The following HDAC4 variants were observed in gnomAD, a reference collection of about 807,000 sequenced individuals.
The protein encoded by HDAC4 is histone deacetylase 4, also known as histone deacetylase A.
In HDAC4, 16 loss-of-function variants were observed where a neutral mutation model predicts 135.1. That is an observed-to-expected ratio of 0.12 (90% CI 0.08 to 0.18). HDAC4 has a LOEUF of 0.18. HDAC4 is among the 10% of genes least tolerant of loss of function. The probability of loss-of-function intolerance (pLI) is 1.00; values close to 1 mark genes in which losing one functional copy is unlikely to be tolerated. For synonymous variants in HDAC4, 685 were observed against 653.4 expected (o/e 1.05, Z -0.74); for missense variants, 1,143 against 1,511.8 (o/e 0.76, Z 4.05).
chr2:239,387,654 T>A (rs1332359284), intron 1 of HDAC4, among the ~76,000 whole-genome samples: 1 of 152,212 alleles, frequency 6.6e-6, no homozygotes, highest in African/African-American at 2.4e-5. Flanking sequence ...AGGGCAGGGA[T>A]ACTGCAATTC....
intron 3 of HDAC4, among the ~76,000 whole-genome samples, chr2:239,231,237 G>A (rs1442680696): frequency 2.0e-5 from 3 of 152,210 alleles, no homozygotes; most frequent in Admixed American, 6.5e-5. Context: ...CTATGCCTCA[G>A]GAAACCGTGG....
In HDAC4 at chr2:239,285,180, CA is replaced by C. The variant is rs1237782171; in HGVS notation, c.23-48517del. Among the ~76,000 whole-genome samples the C allele has an allele frequency of 6.6e-6, 1 of 152,198 alleles. No individual in the cohort carries two copies. The highest frequency in any genetic ancestry group is 1.5e-5 in the Non-Finnish European group (1 of 68,034). On this transcript the variant is annotated intron_variant, in intron 2 of 26. Transcript: ENST00000543185. The surrounding 1 kb of genome is among the most constrained non-coding windows in gnomAD (Gnocchi z 4.5). ...TGCAGATGGTACAGAGAAAGCGTTA[CA>C]CAGTGAGAAAACAGGCAGCTGGATG...
rs1336742099 is a variant in HDAC4 at position 239,285,147 on chromosome 2, T to C, written c.23-48483A>G. ...GAAGGCCAGGTTCAAAGTTCAAAGT[T>C]CAAAGACTGCAGATGGTACAGAGAA... On this transcript the variant is annotated intron_variant, in intron 2 of 26. Transcript: ENST00000543185. This position sits in a 1 kb window ranked among gnomAD's most constrained non-coding sequence, Gnocchi z 4.5. Among the ~76,000 whole-genome samples the C allele has an allele frequency of 6.6e-5, 10 of 152,042 alleles. No individual in the cohort carries two copies. The highest frequency in any genetic ancestry group is 2.4e-4 in the African/African-American group (10 of 41,392).
intron 1 of HDAC4, among the ~76,000 whole-genome samples, chr2:239,354,562 ATTTTTTTTTTTTTT>A (rs566361037): frequency 3.9e-5 from 3 of 76,534 alleles, no homozygotes; most frequent in African/African-American, 5.6e-5. Flanking sequence ...TAGTCTAGAA[ATTTTTTTTTTTTTT>A]TTTTTTTTTT....
At chr2:239,281,941 GCAAA>G (rs761551285) in intron 2 of HDAC4, among the ~76,000 whole-genome samples, 153 of 116,850 alleles carry the variant, frequency 1.3e-3, no homozygotes, top group African/African-American at 3.8e-3. Flanking sequence ...ACACCACTCT[GCAAA>G]CAATGTACAC....
At chr2:239,274,598 A>G (rs1012440533) in intron 2 of HDAC4, among the ~76,000 whole-genome samples, 1 of 152,234 alleles carries the variant, frequency 6.6e-6, no homozygotes, top group African/African-American at 2.4e-5. Context: ...CGAGAACCTC[A>G]TTTGCCTACC....
chr2:239,216,190 TTA>T (rs10535738), intron 3 of HDAC4, among the ~76,000 whole-genome samples: 81,123 of 151,664 alleles, frequency 0.53, 22,922 homozygotes, highest in South Asian at 0.72. Flanking sequence ...ACGCACGTGT[TTA>T]TATATATACA....
Position 239,053,714 on chromosome 2 carries a change from A to AT in HDAC4, c.3089-114dup, listed in dbSNP as rs2031277136. The AT allele has an allele frequency of 3.5e-6, 3 of 859,032 alleles. No homozygotes were observed. The Admixed American group carries it at 7.4e-5, about 21-fold the overall frequency. 53.2% of individuals were successfully genotyped at this position (859,032 alleles called of 1,614,324 possible). A position where few individuals can be genotyped will look rare whatever the true frequency, so the allele number is the denominator to read the frequency against. Reference sequence around the variant, plus strand: ...CCTCAAACCAGATTGATCCCTTATGATTTTAAAAGCACCCGTCTTTGAAGA... The same window carrying AT: ...CCTCAAACCAGATTGATCCCTTATGATTTTTAAAAGCACCCGTCTTTGAAGA... On this transcript the variant is annotated intron_variant, in intron 25 of 26. Coordinates refer to ENST00000543185, the MANE Select transcript of HDAC4 (RefSeq NM_001378414.1).
At chr2:239,258,006 A>G (rs374720368) in intron 2 of HDAC4, among the ~76,000 whole-genome samples, 10 of 152,236 alleles carry the variant, frequency 6.6e-5, no homozygotes, top group African/African-American at 2.4e-4. Flanking sequence ...AGTAACGATA[A>G]AAGAGTTGAA....
intron 22 of HDAC4, among the ~76,000 whole-genome samples, chr2:239,078,626 G>C (rs973505895): frequency 2.6e-5 from 4 of 152,176 alleles, no homozygotes; most frequent in Admixed American, 2.6e-4. Context: ...GACACACTTG[G>C]CAGGAGATTA....
At chr2:239,096,202 C>T (rs2037013493) in intron 16 of HDAC4, among the ~76,000 whole-genome samples, 1 of 152,114 alleles carries the variant, frequency 6.6e-6, no homozygotes, top group African/African-American at 2.4e-5. Context: ...ACGAGAGGAA[C>T]CCTTCCTCAG....
At chr2:239,187,446 G>A (rs2044631981) in intron 4 of HDAC4, among the ~76,000 whole-genome samples, 2 of 152,256 alleles carry the variant, frequency 1.3e-5, no homozygotes, top group Admixed American at 1.3e-4. Flanking sequence ...GCAGATCATG[G>A]AAAGGCTGGT....
At chr2:239,195,997 T>C (rs971164233) in intron 3 of HDAC4, among the ~76,000 whole-genome samples, 2 of 152,204 alleles carry the variant, frequency 1.3e-5, no homozygotes, top group African/African-American at 4.8e-5. Context: ...CATACAGATA[T>C]GGAAGAAAAA....
At chr2:239,180,058 G>C (rs984912151) in intron 4 of HDAC4, among the ~76,000 whole-genome samples, 3 of 152,200 alleles carry the variant, frequency 2.0e-5, no homozygotes, top group African/African-American at 7.2e-5. Flanking sequence ...GGGGCAGGCG[G>C]TGTGTGTCCG....
intron 2 of HDAC4, among the ~76,000 whole-genome samples, chr2:239,250,960 T>G (rs149437901): frequency 6.6e-6 from 1 of 152,142 alleles, no homozygotes; most frequent in Admixed American, 6.5e-5. Context: ...GCCACACGCC[T>G]GGTTCACCTC....
At chr2:239,234,685 G>A (rs183538981) in intron 3 of HDAC4, among the ~76,000 whole-genome samples, 224 of 152,308 alleles carry the variant, frequency 1.5e-3, no homozygotes, top group East Asian at 1.9e-4. Context: ...AAGCTCCCAC[G>A]CAAACAGGCA....
intron 1 of HDAC4, among the ~76,000 whole-genome samples, chr2:239,384,555 G>A (rs532777429): frequency 4.6e-5 from 7 of 151,934 alleles, no homozygotes; most frequent in Non-Finnish European, 5.9e-5. Context: ...AGGTCAAGGC[G>A]GCAGTGAGCC....
intron 22 of HDAC4, among the ~76,000 whole-genome samples, chr2:239,077,625 A>G (rs2034897602): frequency 6.6e-6 from 1 of 152,270 alleles, no homozygotes; most frequent in Non-Finnish European, 1.5e-5. Flanking sequence ...TTAAAGAGAC[A>G]TAATTGCTTT....
chr2:239,336,376 A>G (rs1691941512), intron 2 of HDAC4, among the ~76,000 whole-genome samples: 1 of 152,212 alleles, frequency 6.6e-6, no homozygotes, highest in Non-Finnish European at 1.5e-5. Flanking sequence ...GTGATACTTC[A>G]GTTAAAAAGT....
Sources: gnomAD v4.1 joint callset for allele counts (sites outside exome capture counted in the v4.1 genomes callset) on GRCh38, gnomAD v4.1.1 for gene constraint, Gnocchi (gnomAD v3.1) non-coding constraint, MANE v1.5 for transcripts, NCBI Gene and HGNC (gene_info 2026-07-23, HGNC 2026-07-21) for gene names.